The following GLT1D1 variants were observed in gnomAD, a reference collection of about 807,000 sequenced individuals.
GLT1D1 encodes the protein glycosyltransferase 1 domain-containing protein 1.
GLT1D1 carries 21 observed loss-of-function variants against 28.7 expected under a neutral mutation model. That is an observed-to-expected ratio of 0.73 (90% CI 0.52 to 1.05). GLT1D1 has a LOEUF of 1.05. GLT1D1 is among the 50% of genes least tolerant of loss of function. The probability of loss-of-function intolerance (pLI) is 0.00; values close to 1 mark genes in which losing one functional copy is unlikely to be tolerated. For missense variants in GLT1D1, 343 were observed against 330.6 expected (o/e 1.04, Z -0.29); for synonymous variants, 147 against 124.8 (o/e 1.18, Z -1.19).
At chr12:128,914,455 A>G (rs924623204) in intron 4 of GLT1D1, among the ~76,000 whole-genome samples, 4 of 152,138 alleles carry the variant, frequency 2.6e-5, no homozygotes, top group Admixed American at 2.0e-4. Flanking sequence ...TGAAGGATTC[A>G]TGGGACTTCA....
At chr12:128,948,346 T>C (rs1876344127) in intron 6 of GLT1D1, among the ~76,000 whole-genome samples, 1 of 152,188 alleles carries the variant, frequency 6.6e-6, no homozygotes, top group African/African-American at 2.4e-5. Context: ...TGGGGGCTCC[T>C]GAAGAATGAA....
Position 128,970,934 on chromosome 12 carries a change from G to A in GLT1D1, c.640-11995G>A, listed in dbSNP as rs76369772. On this transcript the variant is annotated intron_variant, in intron 7 of 7. Coordinates refer to ENST00000281703, the MANE Select transcript of GLT1D1 (RefSeq NM_144669.3). ...CTCTGATATGGACTGGGTGCTCAGT[G>A]AGTACTGGAAGGGATGATTATGCCC... Among the ~76,000 whole-genome samples, 1,366 of 152,352 alleles carry A rather than the reference G, an allele frequency of 9.0e-3. 22 individuals are homozygous for A. The highest frequency in any genetic ancestry group is 0.031 in the African/African-American group (1,291 of 41,566).
chr12:128,873,309 T>A (rs1320283715), intron 1 of GLT1D1, among the ~76,000 whole-genome samples: 1 of 152,170 alleles, frequency 6.6e-6, no homozygotes, highest in Non-Finnish European at 1.5e-5. Flanking sequence ...GTGCTCTGTT[T>A]TCATTAATAG....
rs375323637 is a variant in GLT1D1, at chr12:128,957,587, G to A, written c.583G>A (p.Gly195Arg). The change falls in exon 7 of 8, where the codon GGG becomes AGG. Residue 195 changes from glycine (G) to arginine (R), a missense_variant. Physicochemically the swap from Gly to Arg is moderately radical, Grantham distance 125 (BLOSUM62 -2). Transcript: ENST00000281703. ...ACCGGTATTGGCCAGGAACATCCCC[G>A]GGAATGCTGCCGTGGTGAAGCATGA... 6.8e-6 allele frequency: 11 copies of A among 1,613,760 alleles called. No individual in the cohort carries two copies. The highest frequency in any genetic ancestry group is 5.0e-5 in the Admixed American group (3 of 59,992).
chr12:128,884,043 A>G (rs1405175389), intron 2 of GLT1D1, among the ~76,000 whole-genome samples: 1 of 152,200 alleles, frequency 6.6e-6, no homozygotes, highest in Non-Finnish European at 1.5e-5. Context: ...CTACCGTAGG[A>G]TCCAGCAATC....
intron 4 of GLT1D1, 88 bp downstream of exon 4, chr12:128,899,375 G>C (rs1869989205): frequency 9.3e-7 from 1 of 1,075,746 alleles, no homozygotes; most frequent in Non-Finnish European, 1.5e-6. Context: ...TGAGCTGACA[G>C]TGTTCCCATG....
chr12:128,927,583 AT>A (rs1873361428), intron 4 of GLT1D1, among the ~76,000 whole-genome samples: 1 of 152,190 alleles, frequency 6.6e-6, no homozygotes, highest in Non-Finnish European at 1.5e-5. Flanking sequence ...TTTTAAGTAA[AT>A]GAAGTCAATT....
chr12:128,983,518 A>T lies in GLT1D1; in HGVS notation c.*428A>T, dbSNP rs1880529876. The T allele has an allele frequency of 6.1e-6, 1 of 164,936 alleles. No homozygotes were observed. Among genetic ancestry groups the T allele is most frequent in the African/African-American group, 2.4e-5 (1 of 41,926 alleles). The allele number at this position is 164,936 out of a possible 1,614,324, so 10.2% of individuals were successfully genotyped here. On this transcript the variant is annotated 3_prime_UTR_variant, in exon 8 of 8. Coordinates refer to ENST00000281703, the MANE Select transcript of GLT1D1 (RefSeq NM_144669.3). This position sits in a 1 kb window ranked among gnomAD's most constrained non-coding sequence, Gnocchi z 4.7. The stretch of plus-strand genomic sequence containing the variant: ...CCAGTTTGAAAGGCAAAAGCAAAAC[A>T]GACGTGTCAGCTGAGCCGAGTCCTC...
chr12:128,945,356 G>C lies in GLT1D1; in HGVS notation c.406G>C (p.Ala136Pro). The C allele has an allele frequency of 6.2e-7, 1 of 1,614,086 alleles. No individual in the cohort carries two copies. The highest frequency in any genetic ancestry group is 1.7e-5 in the Admixed American group (1 of 60,032). Residue 136 changes from alanine to proline, a missense_variant, in exon 5 of 8, where the codon GCC becomes CCC. Transcript: ENST00000281703. ...TCCAGTGTTTACAAGGGAAGTGAAA[G>C]CCAAAGTGAAAAGGTAAGAGTTGGT...
At chr12:128,880,609 A>AGACATTGAGTTGCC (rs1341571139) in intron 2 of GLT1D1, among the ~76,000 whole-genome samples, 2 of 152,230 alleles carry the variant, frequency 1.3e-5, no homozygotes, top group African/African-American at 4.8e-5. Context: ...CACCAGTTGC[A>AGACATTGAGTTGCC]GACATTGAGT....
chr12:128,870,554 A>G (rs940394865), intron 1 of GLT1D1, among the ~76,000 whole-genome samples: 1 of 152,232 alleles, frequency 6.6e-6, no homozygotes, highest in African/African-American at 2.4e-5. Context: ...ACTTGACAGA[A>G]GGAGAGAACA....
At chr12:128,931,165 C>G (rs971805984) in intron 4 of GLT1D1, among the ~76,000 whole-genome samples, 3 of 151,912 alleles carry the variant, frequency 2.0e-5, no homozygotes, top group African/African-American at 7.3e-5. Flanking sequence ...CCACGCCTGG[C>G]TAATTTTTTG....
intron 3 of GLT1D1, among the ~76,000 whole-genome samples, chr12:128,895,460 T>A (rs1240548756): frequency 7.0e-6 from 1 of 142,220 alleles, no homozygotes; most frequent in African/African-American, 2.7e-5. Flanking sequence ...CAGAAGCTAT[T>A]TTTTTTTTTT....
At chr12:128,967,135 G>A (rs1455607174) in intron 7 of GLT1D1, among the ~76,000 whole-genome samples, 1 of 152,224 alleles carries the variant, frequency 6.6e-6, no homozygotes, top group African/African-American at 2.4e-5. Flanking sequence ...TGTTTGTATG[G>A]TGCACAGCTA....
chr12:128,944,248 A>G, intron 4 of GLT1D1: 3 of 548,052 alleles, frequency 5.5e-6, no homozygotes, highest in Non-Finnish European at 1.0e-5. Flanking sequence ...CTTACTACTA[A>G]TAGTTCCACA....
intron 4 of GLT1D1, among the ~76,000 whole-genome samples, chr12:128,901,028 C>T (rs770402732): frequency 7.2e-5 from 11 of 152,220 alleles, no homozygotes; most frequent in Non-Finnish European, 1.0e-4. Flanking sequence ...TTCCCTGGGA[C>T]TCTTTCAGGG....
At chr12:128,946,292 TG>T (rs1876060532) in intron 5 of GLT1D1, among the ~76,000 whole-genome samples, 1 of 152,220 alleles carries the variant, frequency 6.6e-6, no homozygotes, top group Non-Finnish European at 1.5e-5. Flanking sequence ...CGCTGTGTGC[TG>T]GGAACAGGGC....
intron 3 of GLT1D1, among the ~76,000 whole-genome samples, chr12:128,889,486 C>G (rs902658668): frequency 1.3e-5 from 2 of 152,152 alleles, no homozygotes; most frequent in Admixed American, 6.5e-5. Flanking sequence ...ATCCCAGATA[C>G]TGATCATGGG....
Position 128,945,306 on chromosome 12 carries a change from T to C in GLT1D1, c.376-20T>C. 6.2e-7 allele frequency: 1 copy of C among 1,613,876 alleles called. No individual in the cohort carries two copies. Among genetic ancestry groups the C allele is most frequent in the Non-Finnish European group, 8.5e-7 (1 of 1,179,732 alleles). On this transcript the variant is annotated intron_variant, in intron 4 of 7. Coordinates refer to ENST00000281703, the MANE Select transcript of GLT1D1 (RefSeq NM_144669.3). ...ACTAGCAGGCGGCGACCGCTGACAT[T>C]TATCTTTGTCTCTTTTCAGGTCGAT...
Sources: gnomAD v4.1 joint callset for allele counts (sites outside exome capture counted in the v4.1 genomes callset) on GRCh38, gnomAD v4.1.1 for gene constraint, Gnocchi (gnomAD v3.1) non-coding constraint, MANE v1.5 for transcripts, NCBI Gene and HGNC (gene_info 2026-07-23, HGNC 2026-07-21) for gene names.